The following TTC3 variants were observed in gnomAD, a reference collection of about 807,000 sequenced individuals.
The protein encoded by TTC3 is E3 ubiquitin-protein ligase TTC3.
A neutral mutation model predicts 249.6 loss-of-function variants in TTC3; 180 were observed. That is an observed-to-expected ratio of 0.72 (90% CI 0.64 to 0.82). The LOEUF (loss-of-function observed/expected upper bound fraction) is 0.82. Among genes scored for constraint, TTC3 ranks in the 40% least tolerant of loss-of-function variants. The pLI is 0.00. For missense variants in TTC3, 2,061 were observed against 2,398.4 expected, an observed-to-expected ratio of 0.86 and a Z score of 2.94; for synonymous variants, 717 against 805.0, an observed-to-expected ratio of 0.89 and a Z score of 1.85.
intron 11 of TTC3, among the ~76,000 whole-genome samples, chr21:37,120,437 T>A (rs934854803): frequency 6.6e-6 from 1 of 152,128 alleles, no homozygotes; most frequent in African/African-American, 2.4e-5. Context: ...TCTCTGCAAA[T>A]TTAGTAGATT....
At chr21:37,201,767 A>G in exon 46 of TTC3, 1 of 733,946 alleles carries the variant, frequency 1.4e-6, no homozygotes, top group South Asian at 2.0e-5. Flanking sequence ...ATGATTGCCA[A>G]CAGTGGCTAA....
intron 34 of TTC3, among the ~76,000 whole-genome samples, chr21:37,170,251 C>T (rs563300482): frequency 6.6e-6 from 1 of 152,046 alleles, no homozygotes; most frequent in Non-Finnish European, 1.5e-5. Flanking sequence ...AACTAATTTC[C>T]TTAACAACAA....
intron 35 of TTC3, among the ~76,000 whole-genome samples, chr21:37,177,336 C>G (rs2082368630): frequency 6.6e-6 from 1 of 152,138 alleles, no homozygotes; most frequent in Non-Finnish European, 1.5e-5. Context: ...AGTCACATAG[C>G]CAGCCAGAGC....
At chr21:37,150,014 G>A (rs1057083434) in intron 23 of TTC3, 64 bp from the exon 24 acceptor site, 20 of 1,156,226 alleles carry the variant, frequency 1.7e-5, no homozygotes, top group Admixed American at 2.0e-5. Flanking sequence ...AATAGTATAC[G>A]TGTATAGATT....
chr21:37,156,138 G>A (rs978019244), intron 27 of TTC3, among the ~76,000 whole-genome samples: 5 of 151,702 alleles, frequency 3.3e-5, no homozygotes, highest in African/African-American at 1.2e-4. Context: ...CTGGGCTCAA[G>A]CAGTACCCCC....
intron 36 of TTC3, among the ~76,000 whole-genome samples, chr21:37,184,449 C>CTT (rs898845853): frequency 6.6e-6 from 1 of 151,398 alleles, no homozygotes; most frequent in Non-Finnish European, 1.5e-5. Flanking sequence ...ACGCTTCTCT[C>CTT]TAAGTTTTTT....
At chr21:37,157,454 G>A (rs1373292592) in intron 28 of TTC3, among the ~76,000 whole-genome samples, 2 of 152,204 alleles carry the variant, frequency 1.3e-5, no homozygotes, top group Non-Finnish European at 2.9e-5. Context: ...CTCTGCCCTT[G>A]AGGACCTTGT....
chr21:37,088,655 A>C, intron 4 of TTC3, 144 bp from the exon 5 acceptor site: 1 of 766,252 alleles, frequency 1.3e-6, no homozygotes, highest in Non-Finnish European at 2.0e-6. Context: ...TTGTTCATTT[A>C]ATAAATAGCT....
chr21:37,108,837 GA>G (rs1454742380), intron 11 of TTC3, among the ~76,000 whole-genome samples: 2 of 152,146 alleles, frequency 1.3e-5, no homozygotes, highest in African/African-American at 4.8e-5. Flanking sequence ...CAACCATCTT[GA>G]TATATTTGGC....
intron 10 of TTC3, among the ~76,000 whole-genome samples, chr21:37,100,186 T>C (rs1485990309): frequency 6.6e-6 from 1 of 152,176 alleles, no homozygotes; most frequent in African/African-American, 2.4e-5. Flanking sequence ...AACAAACTAC[T>C]ACAAAAAGAG....
intron 18 of TTC3, 145 bp downstream of exon 18, chr21:37,135,659 G>A: frequency 3.3e-6 from 3 of 915,608 alleles, no homozygotes; most frequent in Non-Finnish European, 3.2e-6. Flanking sequence ...ATGGGAAGCA[G>A]GTACTGCTCC....
At chr21:37,139,501 C>G (rs1404595518) in intron 19 of TTC3, among the ~76,000 whole-genome samples, 1 of 152,048 alleles carries the variant, frequency 6.6e-6, no homozygotes, top group Non-Finnish European at 1.5e-5. Flanking sequence ...CTATTTTTCC[C>G]TGTCTAGATG....
intron 1 of TTC3, among the ~76,000 whole-genome samples, chr21:37,077,433 G>T (rs2071050758): frequency 6.6e-6 from 1 of 152,150 alleles, no homozygotes; most frequent in Non-Finnish European, 1.5e-5. Context: ...GCTAGAAATG[G>T]GATTGCTAGA....
At chr21:37,095,244 A>T (rs1395667399) in intron 8 of TTC3, 106 bp from the exon 9 acceptor site, 7 of 702,852 alleles carry the variant, frequency 1.0e-5, no homozygotes, top group Non-Finnish European at 1.7e-5. Context: ...CCCCTATGTT[A>T]TTTCTGATAT....
In TTC3 at chr21:37,138,726, AAC is replaced by A. The variant is rs1428104574; in HGVS notation, c.1659+14_1659+15del. 4 of 1,572,216 alleles carry A rather than the reference AAC, an allele frequency of 2.5e-6. No individual in the cohort carries two copies. The highest frequency in any genetic ancestry group is 3.4e-5 in the Admixed American group (2 of 58,742). ...TAGGACAGCCTGAGGTAAGATTTGT[AAC>A]AGTGGTAATAAACAATTAAAATGAT... On this transcript the variant is annotated intron_variant, in intron 19 of 45. Transcript: ENST00000355666.
intron 11 of TTC3, among the ~76,000 whole-genome samples, chr21:37,120,964 G>A (rs2076533736): frequency 6.6e-6 from 1 of 152,170 alleles, no homozygotes; most frequent in Admixed American, 6.5e-5. Flanking sequence ...GTGATATTAG[G>A]CCAGTTTCTA....
intron 7 of TTC3, among the ~76,000 whole-genome samples, chr21:37,092,078 G>A (rs1328284993): frequency 3.9e-5 from 6 of 152,140 alleles, no homozygotes; most frequent in Non-Finnish European, 8.8e-5. Flanking sequence ...TTTTCTTCAT[G>A]AATCTGTTGT....
intron 10 of TTC3, among the ~76,000 whole-genome samples, chr21:37,105,537 G>A (rs1255758088): frequency 6.6e-6 from 1 of 152,074 alleles, no homozygotes; most frequent in Admixed American, 6.6e-5. Context: ...TAATACACAT[G>A]CTGAAAAGTA....
At chr21:37,151,641 A>T (rs2148010112) in intron 25 of TTC3, among the ~76,000 whole-genome samples, 1 of 152,314 alleles carries the variant, frequency 6.6e-6, no homozygotes, top group East Asian at 1.9e-4. Context: ...AGTAACTTAG[A>T]TACATGAAAG....
Sources: gnomAD v4.1 joint callset for allele counts (sites outside exome capture counted in the v4.1 genomes callset) on GRCh38, gnomAD v4.1.1 for gene constraint, MANE v1.5 for transcripts, NCBI Gene and HGNC (gene_info 2026-07-23, HGNC 2026-07-21) for gene names.